PGM1: variants seen among roughly 807,000 people sequenced by gnomAD.
PGM1 encodes phosphoglucomutase-1.
Under a neutral mutation model 55.6 loss-of-function variants are expected in PGM1, and 52 were observed. The ratio of observed to expected loss-of-function variants is 0.94; its 90% CI spans 0.75 to 1.18. The LOEUF is 1.18. PGM1 is among the 50% of genes most tolerant of loss of function. The probability of loss-of-function intolerance (pLI) is 0.00; values close to 1 mark genes in which losing one functional copy is unlikely to be tolerated. For synonymous variants in PGM1, 287 were observed against 271.7 expected, an observed-to-expected ratio of 1.06 and a Z score of -0.55; for missense variants, 724 against 729.3, an observed-to-expected ratio of 0.99 and a Z score of 0.08.
intron 1 of PGM1, among the ~76,000 whole-genome samples, chr1:63,611,314 T>G (rs1648559066): frequency 6.6e-6 from 1 of 151,740 alleles, no homozygotes; most frequent in Non-Finnish European, 1.5e-5. Context: ...AGACATTCTG[T>G]GTAGTGGGAG....
intron 1 of PGM1, among the ~76,000 whole-genome samples, chr1:63,602,689 A>G (rs1648278352): frequency 6.6e-6 from 1 of 152,156 alleles, no homozygotes; most frequent in African/African-American, 2.4e-5. Flanking sequence ...GCATGGTGTC[A>G]TAGCCATTTG....
At chr1:63,650,421 TA>T (rs1407155409) in intron 8 of PGM1, among the ~76,000 whole-genome samples, 1 of 152,166 alleles carries the variant, frequency 6.6e-6, no homozygotes, top group African/African-American at 2.4e-5. Context: ...GTCAAAAATG[TA>T]AAGCACAAAC....
At chr1:63,613,346 A>G (rs1648619803) in intron 1 of PGM1, among the ~76,000 whole-genome samples, 1 of 146,458 alleles carries the variant, frequency 6.8e-6, no homozygotes. Flanking sequence ...AAAACAATGG[A>G]TATTTATTCT....
At chr1:63,652,356 C>T (rs529543047) in intron 9 of PGM1, among the ~76,000 whole-genome samples, 4 of 152,328 alleles carry the variant, frequency 2.6e-5, no homozygotes, top group East Asian at 1.9e-4. Flanking sequence ...CGTTGACCAT[C>T]GTCATTCGCA....
At chr1:63,614,756 G>GT (rs1169798873) in intron 1 of PGM1, among the ~76,000 whole-genome samples, 1 of 152,126 alleles carries the variant, frequency 6.6e-6, no homozygotes, top group East Asian at 1.9e-4. Flanking sequence ...CATAATCTCT[G>GT]TATCCCCCAT....
At chr1:63,656,324 A>G (rs1004678528) in intron 10 of PGM1, among the ~76,000 whole-genome samples, 13 of 152,194 alleles carry the variant, frequency 8.5e-5, no homozygotes, top group Admixed American at 7.9e-4. Flanking sequence ...ATCAGACACT[A>G]TTGGTGGGAA....
At chr1:63,600,591 C>G (rs1335116172) in intron 1 of PGM1, among the ~76,000 whole-genome samples, 2 of 151,968 alleles carry the variant, frequency 1.3e-5, no homozygotes, top group Non-Finnish European at 2.9e-5. Context: ...AAAATAAAAC[C>G]CAGTAAAGGG....
intron 1 of PGM1, among the ~76,000 whole-genome samples, chr1:63,621,321 G>C (rs1309874857): frequency 6.6e-6 from 1 of 151,506 alleles, no homozygotes; most frequent in East Asian, 2.0e-4. Context: ...TGGGCAGAGA[G>C]GCTTTGGTAT....
At chr1:63,619,874 G>A (rs1557708452) in intron 1 of PGM1, among the ~76,000 whole-genome samples, 1 of 151,820 alleles carries the variant, frequency 6.6e-6, no homozygotes, top group African/African-American at 2.4e-5. Flanking sequence ...CAGAATGTGA[G>A]AAAAAAAATT....
chr1:63,651,770 C>T lies in PGM1; in HGVS notation c.1382C>T (p.Ala461Val). 6.2e-7 allele frequency: 1 copy of T among 1,613,864 alleles called. No homozygotes were observed. Among genetic ancestry groups the T allele is most frequent in the Non-Finnish European group, 8.5e-7 (1 of 1,179,852 alleles). ...TCCTTTGTGGGGAAGCAGTTCTCAGCAAATGACAAAGTTTACACTGTGGAG... is the reference window on the plus strand; with the variant it reads ...TCCTTTGTGGGGAAGCAGTTCTCAGTAAATGACAAAGTTTACACTGTGGAG... ...DRSFVGKQFSANDKVYTVEKA... is the reference protein window; with the variant it reads ...DRSFVGKQFSVNDKVYTVEKA... The change falls in exon 9 of 11, where the codon GCA becomes GTA. Residue 461 changes from alanine to valine, a missense_variant. Physicochemically the swap from Ala to Val is moderately conservative, Grantham distance 64 (BLOSUM62 0). This residue lies in a region of PGM1 where 316 missense variants were observed against 313.1 expected (regional missense o/e 1.01). Transcript: ENST00000371084.
At chr1:63,647,028 A>C (rs2100996954) in intron 7 of PGM1, among the ~76,000 whole-genome samples, 1 of 151,970 alleles carries the variant, frequency 6.6e-6, no homozygotes, top group South Asian at 2.1e-4. Flanking sequence ...GGATCACCTG[A>C]GGTCAGGAGT....
At chr1:63,616,630 G>T (rs1160262521) in intron 1 of PGM1, among the ~76,000 whole-genome samples, 2 of 152,192 alleles carry the variant, frequency 1.3e-5, no homozygotes, top group Non-Finnish European at 2.9e-5. Flanking sequence ...AGGACATATT[G>T]GGTAGATGGA....
At chr1:63,650,679 T>C (rs1649785048) in intron 8 of PGM1, among the ~76,000 whole-genome samples, 1 of 152,232 alleles carries the variant, frequency 6.6e-6, no homozygotes, top group African/African-American at 2.4e-5. Flanking sequence ...AGAGGGTGTA[T>C]GCCACTAGGT....
intron 4 of PGM1, among the ~76,000 whole-genome samples, chr1:63,633,896 G>C (rs1418181344): frequency 2.1e-4 from 10 of 47,886 alleles, no homozygotes; most frequent in Admixed American, 4.2e-4. Flanking sequence ...GTGTGTGTGT[G>C]TGTGTGTGTG....
intron 1 of PGM1, among the ~76,000 whole-genome samples, chr1:63,613,855 G>T (rs967551649): frequency 6.6e-6 from 1 of 151,992 alleles, no homozygotes; most frequent in African/African-American, 2.4e-5. Flanking sequence ...AGTCACTTGG[G>T]ATCTATTTCC....
Position 63,648,551 on chromosome 1 carries a change from G to T in PGM1, c.1179G>T (p.Trp393Cys). 6.2e-7 allele frequency: 1 copy of T among 1,614,026 alleles called. No homozygotes were observed. Among genetic ancestry groups the T allele is most frequent in the South Asian group, 1.1e-5 (1 of 91,078 alleles). ...ACATCCGTGAGAAAGATGGACTGTG[G>T]GCTGTCCTTGCCTGGCTCTCCATCC... is the stretch of plus-strand genomic sequence containing the variant. ...SDHIREKDGL[W>C]AVLAWLSILA... The change falls in exon 8 of 11, where the codon TGG becomes TGT. Residue 393 changes from tryptophan to cysteine, a missense_variant. By Grantham distance (215) the Trp-to-Cys change is radical. Around this residue, in one of 3 missense-constraint regions of PGM1, gnomAD observed 316 missense variants for 313.1 expected, o/e 1.01. Coordinates refer to ENST00000371084, the MANE Select transcript of PGM1 (RefSeq NM_002633.3).
chr1:63,623,174 A>G, intron 1 of PGM1: 2 of 1,183,590 alleles, frequency 1.7e-6, no homozygotes, highest in Non-Finnish European at 2.1e-6. Context: ...AAAATAATTG[A>G]AGGGTATTTG....
chr1:63,639,894 A>G (rs1363631416), intron 7 of PGM1, among the ~76,000 whole-genome samples: 1 of 152,208 alleles, frequency 6.6e-6, no homozygotes, highest in Non-Finnish European at 1.5e-5. Context: ...CGAGAGTGGT[A>G]ATATTCCTTG....
chr1:63,633,924 ATATATATATTTTTTTTTTTTTTT>A (rs1223428420), intron 4 of PGM1, among the ~76,000 whole-genome samples: 8 of 67,356 alleles, frequency 1.2e-4, no homozygotes, highest in African/African-American at 7.3e-4. Context: ...GTGTGTATAT[ATATATATATTTTTTTTTTTTTTT>A]TTTTTTTTTT....
Sources: gnomAD v4.1 joint callset for allele counts (sites outside exome capture counted in the v4.1 genomes callset) on GRCh38, gnomAD v4.1.1 for gene constraint, gnomAD v4.1.1 regional missense constraint, MANE v1.5 for transcripts, NCBI Gene and HGNC (gene_info 2026-07-23, HGNC 2026-07-21) for gene names.